Variants in CCDC33 observed in about 807,000 individuals in gnomAD.
The protein encoded by CCDC33 is coiled-coil domain containing 33.
CCDC33 carries 94 observed loss-of-function variants against 91.9 expected under a neutral mutation model. That is an observed-to-expected ratio of 1.02 (90% CI 0.87 to 1.21). The LOEUF is 1.21. CCDC33 is among the 50% of genes most tolerant of loss of function. The pLI, the probability that CCDC33 is intolerant of heterozygous loss-of-function variation, is 0.00. For synonymous variants in CCDC33, 396 were observed against 374.5 expected (o/e 1.06, Z -0.66); for missense variants, 940 against 935.5 (o/e 1.00, Z -0.06).
chr15:74,296,579 T>C (rs1230568777), intron 11 of CCDC33, among the ~76,000 whole-genome samples: 2 of 152,172 alleles, frequency 1.3e-5, no homozygotes, highest in Non-Finnish European at 2.9e-5. Flanking sequence ...TGAGCCAAGA[T>C]TGTGCCATTG....
At chr15:74,298,971 A>G (rs2059741912) in intron 11 of CCDC33, among the ~76,000 whole-genome samples, 1 of 152,046 alleles carries the variant, frequency 6.6e-6, no homozygotes, top group African/African-American at 2.4e-5. Flanking sequence ...TTGGCCTCCC[A>G]AAGTGCTGAG....
At position 74,320,424 on chromosome 15, in the gene CCDC33, T is replaced by C. The variant is rs187806283; in HGVS notation, c.1291-9765T>C. Reference sequence around the variant, plus strand: ...CCCCAACCCTACCCCTGGCCTTGACTTGCACTCCTAGGGTGTGAGCCATGT... The same window carrying C: ...CCCCAACCCTACCCCTGGCCTTGACCTGCACTCCTAGGGTGTGAGCCATGT... On this transcript the variant is annotated intron_variant, in intron 11 of 18. Coordinates refer to ENST00000398814, the MANE Select transcript of CCDC33 (RefSeq NM_025055.5). Among the ~76,000 whole-genome samples the C allele has an allele frequency of 1.4e-3, 205 of 151,264 alleles. 5 individuals carry two copies. The highest frequency in any genetic ancestry group is 9.9e-4 in the Non-Finnish European group (67 of 67,754).
intron 1 of CCDC33, chr15:74,208,752 C>A: frequency 2.0e-6 from 2 of 988,602 alleles, no homozygotes; most frequent in Non-Finnish European, 2.4e-6. Flanking sequence ...CGCTGTTCCC[C>A]GACCTGTTCC....
At position 74,224,872 on chromosome 15, in the gene CCDC33, G is replaced by T. The variant is rs76932642; in HGVS notation, c.675+6011G>T. On this transcript the variant is annotated intron_variant, in intron 2 of 2. Coordinates refer to the CCDC33 transcript ENST00000635913. The stretch of plus-strand genomic sequence containing the variant: ...GTTTCTGCACCTAGAAAATAGGATT[G>T]CTCCTTCTTGCCCAGCCAGTCTCCC... 1.5e-3 allele frequency among the ~76,000 whole-genome samples: 236 copies of T among 152,320 alleles called. 3 individuals carry two copies. The East Asian group carries it at 0.042, about 27-fold the overall frequency.
At position 74,290,191 on chromosome 15, in the gene CCDC33, T is replaced by TC. The variant is rs1241684130; in HGVS notation, c.1096-5563_1096-5562insC. On this transcript the variant is annotated intron_variant, in intron 10 of 18. Transcript: ENST00000398814. ...TGTTAGGTTTCTTTTCCTTTTTTTT[T>TC]TTTTGAGATGGAGTCCTGACCTGTT... Among the ~76,000 whole-genome samples, 5 of 151,816 alleles carry TC rather than the reference T, an allele frequency of 3.3e-5. No individual in the cohort carries two copies. The East Asian group carries it at 7.7e-4, about 24-fold the overall frequency.
At chr15:74,238,195 G>A (rs2075238299) in intron 1 of CCDC33, among the ~76,000 whole-genome samples, 1 of 152,076 alleles carries the variant, frequency 6.6e-6, no homozygotes, top group Admixed American at 6.5e-5. Context: ...GGGAGGCCAA[G>A]GCAGAAGTTC....
At chr15:74,248,410 T>C (rs2075603931) in intron 2 of CCDC33, among the ~76,000 whole-genome samples, 1 of 152,140 alleles carries the variant, frequency 6.6e-6, no homozygotes, top group African/African-American at 2.4e-5. Context: ...CTTAGTCTCC[T>C]GGCTTGGTTT....
intron 2 of CCDC33, among the ~76,000 whole-genome samples, chr15:74,222,706 G>C (rs1040103570): frequency 2.6e-5 from 4 of 151,902 alleles, no homozygotes; most frequent in African/African-American, 4.8e-5. Flanking sequence ...TTAAGGAGAA[G>C]TGGAGGGGAA....
chr15:74,312,838 C>CA (rs1426495693), intron 11 of CCDC33, among the ~76,000 whole-genome samples: 1 of 152,138 alleles, frequency 6.6e-6, no homozygotes, highest in Non-Finnish European at 1.5e-5. Flanking sequence ...ACCTCCCCCT[C>CA]AACACCCACA....
At chr15:74,305,313 G>C (rs1031012274) in intron 11 of CCDC33, among the ~76,000 whole-genome samples, 1 of 152,208 alleles carries the variant, frequency 6.6e-6, no homozygotes, top group Non-Finnish European at 1.5e-5. Context: ...CTTTTGCAAG[G>C]GTGCACCCTG....
At chr15:74,249,124 G>C (rs1229794183) in intron 2 of CCDC33, among the ~76,000 whole-genome samples, 1 of 152,086 alleles carries the variant, frequency 6.6e-6, no homozygotes, top group Non-Finnish European at 1.5e-5. Context: ...TAAAATGAAA[G>C]TTTATTAGTC....
intron 2 of CCDC33, among the ~76,000 whole-genome samples, chr15:74,224,379 G>A (rs1170147940): frequency 2.0e-5 from 3 of 152,208 alleles, no homozygotes; most frequent in African/African-American, 7.2e-5. Flanking sequence ...CAGCATGGAC[G>A]AGACTCAAAA....
At chr15:74,291,170 C>A (rs1283784509) in intron 10 of CCDC33, among the ~76,000 whole-genome samples, 1 of 152,218 alleles carries the variant, frequency 6.6e-6, no homozygotes. Context: ...TGCAAGAGCA[C>A]GCAGGATGCC....
At chr15:74,274,559 T>C (rs1454527035) in intron 7 of CCDC33, among the ~76,000 whole-genome samples, 2 of 151,306 alleles carry the variant, frequency 1.3e-5, no homozygotes, top group Non-Finnish European at 2.9e-5. Flanking sequence ...TGGGGAGGAG[T>C]GGGACAAAGG....
chr15:74,315,607 T>C (rs1282515969), intron 11 of CCDC33, among the ~76,000 whole-genome samples: 1 of 152,240 alleles, frequency 6.6e-6, no homozygotes, highest in Non-Finnish European at 1.5e-5. Context: ...GTGCAGGCTC[T>C]AGAAATTCAG....
intron 18 of CCDC33, chr15:74,335,439 GC>G: frequency 1.9e-6 from 1 of 533,712 alleles, no homozygotes; most frequent in East Asian, 3.1e-5. Flanking sequence ...GTAGCTTGTG[GC>G]CCTACCCCCC....
At chr15:74,208,317 C>G (rs1391144871) in intron 1 of CCDC33, among the ~76,000 whole-genome samples, 2 of 152,164 alleles carry the variant, frequency 1.3e-5, no homozygotes, top group Admixed American at 1.3e-4. Flanking sequence ...GGACTAGACA[C>G]AAGGCCATGA....
chr15:74,313,504 C>T (rs150948622), intron 11 of CCDC33, among the ~76,000 whole-genome samples: 2,707 of 150,596 alleles, frequency 0.018, 76 homozygotes, highest in African/African-American at 0.063. Context: ...CTGCAACCTC[C>T]GCCTCCCCGG....
At chr15:74,278,450 A>G (rs1373721774) in intron 7 of CCDC33, among the ~76,000 whole-genome samples, 1 of 152,228 alleles carries the variant, frequency 6.6e-6, no homozygotes, top group African/African-American at 2.4e-5. Context: ...CAAGGCAGCC[A>G]CTTGGTGGGT....
Sources: gnomAD v4.1 joint callset for allele counts (sites outside exome capture counted in the v4.1 genomes callset) on GRCh38, gnomAD v4.1.1 for gene constraint, MANE v1.5 for transcripts, NCBI Gene and HGNC (gene_info 2026-07-23, HGNC 2026-07-21) for gene names.